Variants in RANBP2 observed in about 807,000 individuals in gnomAD.
RANBP2 encodes E3 SUMO-protein ligase RanBP2.
In RANBP2, 57 loss-of-function variants were observed where a neutral mutation model predicts 303.6. The ratio of observed to expected loss-of-function variants is 0.19; its 90% confidence interval spans 0.15 to 0.23. The LOEUF is 0.23. Ranked by LOEUF, RANBP2 falls within the 10% of genes least tolerant of loss-of-function variation. The probability of loss-of-function intolerance (pLI) is 1.00; values close to 1 mark genes in which losing one functional copy is unlikely to be tolerated. For synonymous variants in RANBP2, 1,167 were observed against 1,301.5 expected, an observed-to-expected ratio of 0.90 and a Z score of 2.23; for missense variants, 3,138 against 3,780.8, an observed-to-expected ratio of 0.83 and a Z score of 4.46.
chr2:109,763,713 A>T, the RANBP2 span, among the ~76,000 whole-genome samples: 1 of 150,582 alleles, frequency 6.6e-6, no homozygotes, highest in Non-Finnish European at 1.5e-5. Flanking sequence ...CCTTTGATTG[A>T]TCATAGAAAA....
the RANBP2 span, among the ~76,000 whole-genome samples, chr2:109,130,734 G>A: frequency 6.6e-6 from 1 of 152,172 alleles, no homozygotes; most frequent in South Asian, 2.1e-4. Context: ...GGGCTCCCAG[G>A]CAGGGTTGCA....
chr2:108,735,646 G>A lies in RANBP2; in HGVS notation c.520G>A (p.Val174Met), dbSNP rs1045111673. 1.3e-6 allele frequency: 2 copies of A among 1,597,562 alleles called. No individual in the cohort carries two copies. The highest frequency in any genetic ancestry group is 2.2e-5 in the East Asian group (1 of 44,878). ...CCATGTGAACATCCGGCTAGTGGAGGTGTATCGCTCAACTAAAAGATTGAA... is the reference window on the plus strand; with the variant it reads ...CCATGTGAACATCCGGCTAGTGGAGATGTATCGCTCAACTAAAAGATTGAA... ...DVHVNIRLVE[V>M]YRSTKRLKDA... The change falls in exon 5 of 29, where the codon GTG becomes ATG. Residue 174 changes from valine to methionine, a missense_variant. This residue lies in a region of RANBP2 where 306 missense variants were observed against 381.9 expected (regional missense o/e 0.80). Transcript: ENST00000283195.
chr2:109,451,727 C>T, the RANBP2 span, among the ~76,000 whole-genome samples: 1 of 152,274 alleles, frequency 6.6e-6, no homozygotes, highest in Admixed American at 6.5e-5. Context: ...GTCCAGAAGA[C>T]ACCCCAACAT....
At chr2:109,632,704 G>T in the RANBP2 span, among the ~76,000 whole-genome samples, 56 of 151,880 alleles carry the variant, frequency 3.7e-4, 1 homozygote, top group Non-Finnish European at 6.9e-4. Flanking sequence ...CCTGTAGTCC[G>T]AGTACTCAGG....
chr2:108,789,862 T>C (rs1679606648), downstream of RANBP2, among the ~76,000 whole-genome samples: 1 of 152,148 alleles, frequency 6.6e-6, no homozygotes. Flanking sequence ...AGATCTAAGT[T>C]GGATATTATT....
chr2:109,661,437 A>G, the RANBP2 span, among the ~76,000 whole-genome samples: 11 of 152,106 alleles, frequency 7.2e-5, no homozygotes, highest in Non-Finnish European at 1.5e-4. Flanking sequence ...TAGTAGAGAC[A>G]GGGTTTCACC....
At chr2:109,347,332 C>T in the RANBP2 span, among the ~76,000 whole-genome samples, 1 of 152,168 alleles carries the variant, frequency 6.6e-6, no homozygotes, top group African/African-American at 2.4e-5. Flanking sequence ...GTCACCTTCC[C>T]TCTCTGTGCC....
the RANBP2 span, among the ~76,000 whole-genome samples, chr2:109,554,663 A>AT: frequency 1.3e-5 from 2 of 152,108 alleles, no homozygotes; most frequent in Admixed American, 6.6e-5. Flanking sequence ...CCGGGAATCA[A>AT]TTTTTTTTCT....
the RANBP2 span, among the ~76,000 whole-genome samples, chr2:109,059,194 T>C: frequency 1.3e-5 from 2 of 152,092 alleles, no homozygotes; most frequent in African/African-American, 4.8e-5. Context: ...GCCCCTCTAC[T>C]GTGCCAGGGA....
the RANBP2 span, among the ~76,000 whole-genome samples, chr2:108,849,461 G>T: frequency 2.0e-5 from 3 of 152,008 alleles, no homozygotes; most frequent in African/African-American, 7.3e-5. Context: ...TGGATTTCAG[G>T]AATACTGCCT....
the RANBP2 span, among the ~76,000 whole-genome samples, chr2:109,083,271 C>G: frequency 6.6e-6 from 1 of 152,148 alleles, no homozygotes; most frequent in Admixed American, 6.5e-5. Context: ...AAACCCTGTA[C>G]CCATCAAGCG....
At chr2:109,559,013 A>C in the RANBP2 span, among the ~76,000 whole-genome samples, 1 of 151,908 alleles carries the variant, frequency 6.6e-6, no homozygotes, top group East Asian at 1.9e-4. Flanking sequence ...AGCCTCCCAC[A>C]TAGCTGGGCT....
At chr2:108,755,290 T>C (rs1676218292) in intron 17 of RANBP2, 31 bp downstream of exon 17, 3 of 1,611,576 alleles carry the variant, frequency 1.9e-6, no homozygotes, top group Admixed American at 1.7e-5. Context: ...AGCTGTACTT[T>C]TTATTCCAAG....
chr2:108,729,069 T>C lies in RANBP2; in HGVS notation c.73-63T>C. ...TCAACTTAGGACAGATTTTTACTAC[T>C]TTTGAAAAAATGTTGGAAAATATTT... On this transcript the variant is annotated intron_variant, in intron 1 of 28. Coordinates refer to ENST00000283195, the MANE Select transcript of RANBP2 (RefSeq NM_006267.5). The C allele has an allele frequency of 6.6e-6, 10 of 1,518,950 alleles. No homozygotes were observed. In the South Asian group the frequency reaches 1.2e-4, roughly 18 times the overall value. 94.1% of individuals were successfully genotyped at this position (1,518,950 alleles called of 1,614,324 possible).
In RANBP2 at chr2:108,763,628, C is replaced by T; in HGVS notation, c.3089C>T (p.Pro1030Leu). The change falls in exon 20 of 29, where the codon CCT becomes CTT. Residue 1030 changes from proline to leucine, a missense_variant. By Grantham distance (98) the Pro-to-Leu change is moderately conservative. This residue lies in a region of RANBP2 where 403 missense variants were observed against 376.7 expected (regional missense o/e 1.07). Coordinates refer to ENST00000283195, the MANE Select transcript of RANBP2 (RefSeq NM_006267.5). ...CAAGCACACACAACACAGCCAACTC[C>T]TTTTAAATTTAACTCAAATTTCAAA... Reference protein sequence around the residue: ...PTQAHTTQPTPFKFNSNFKSN... With the variant: ...PTQAHTTQPTLFKFNSNFKSN... The T allele has an allele frequency of 6.2e-7, 1 of 1,614,118 alleles. No homozygotes were observed. Among genetic ancestry groups the T allele is most frequent in the Non-Finnish European group, 8.5e-7 (1 of 1,180,006 alleles).
chr2:109,162,531 A>G, the RANBP2 span, among the ~76,000 whole-genome samples: 32 of 152,206 alleles, frequency 2.1e-4, no homozygotes, highest in Non-Finnish European at 3.7e-4. Flanking sequence ...GTCATTTAAC[A>G]TTAGTCCCTA....
the RANBP2 span, among the ~76,000 whole-genome samples, chr2:109,148,042 T>A: frequency 5.9e-5 from 9 of 152,294 alleles, no homozygotes; most frequent in Middle Eastern, 3.4e-3. Flanking sequence ...GGTGGTTTGT[T>A]GCATGGTGAC....
chr2:108,740,062 C>A (rs1035411741), intron 6 of RANBP2, among the ~76,000 whole-genome samples: 2 of 151,740 alleles, frequency 1.3e-5, no homozygotes, highest in South Asian at 4.2e-4. Context: ...TGTATTGATA[C>A]GCAAATACCT....
chr2:109,038,425 G>C, the RANBP2 span, among the ~76,000 whole-genome samples: 3 of 152,100 alleles, frequency 2.0e-5, no homozygotes, highest in African/African-American at 7.2e-5. Context: ...CTTAAGCCTG[G>C]GAGTGCAAGA....
Sources: gnomAD v4.1 joint callset for allele counts (sites outside exome capture counted in the v4.1 genomes callset) on GRCh38, gnomAD v4.1.1 for gene constraint, gnomAD v4.1.1 regional missense constraint, MANE v1.5 for transcripts, NCBI Gene and HGNC (gene_info 2026-07-23, HGNC 2026-07-21) for gene names.